The following NBAS variants were observed in gnomAD, a reference collection of about 807,000 sequenced individuals.
The protein encoded by NBAS is NBAS subunit of NRZ tethering complex.
NBAS carries 219 observed loss-of-function variants against 302.5 expected under a neutral mutation model. The ratio of observed to expected loss-of-function variants is 0.72; its 90% confidence interval spans 0.65 to 0.81. The LOEUF is 0.81. Ranked by LOEUF, NBAS falls within the 30% of genes least tolerant of loss-of-function variation. The probability of loss-of-function intolerance (pLI) is 0.00; values close to 1 mark genes in which losing one functional copy is unlikely to be tolerated. For synonymous variants in NBAS, 1,118 were observed against 1,021.6 expected (o/e 1.09, Z -1.80); for missense variants, 2,932 against 2,841.6 (o/e 1.03, Z -0.72).
chr2:15,189,064 C>T (rs781212427), intron 49 of NBAS, among the ~76,000 whole-genome samples: 35 of 152,206 alleles, frequency 2.3e-4, no homozygotes, highest in East Asian at 9.7e-4. Flanking sequence ...CCCCAGGCTC[C>T]GAAGGCACCC....
intron 29 of NBAS, among the ~76,000 whole-genome samples, chr2:15,380,974 G>C (rs967868755): frequency 6.6e-6 from 1 of 152,116 alleles, no homozygotes; most frequent in African/African-American, 2.4e-5. Flanking sequence ...ATATCTAAGA[G>C]GGATCCGCTA....
the NBAS span, among the ~76,000 whole-genome samples, chr2:14,959,254 T>G: frequency 6.6e-6 from 1 of 152,204 alleles, no homozygotes; most frequent in South Asian, 2.1e-4. Flanking sequence ...AAGCCCATAA[T>G]GCACCAGGTA....
intron 31 of NBAS, among the ~76,000 whole-genome samples, chr2:15,368,417 C>T (rs112977601): frequency 0.017 from 2,572 of 152,084 alleles, 73 homozygotes; most frequent in African/African-American, 0.058. Flanking sequence ...CCAGGCTAGT[C>T]TAGAACTCCT....
the NBAS span, among the ~76,000 whole-genome samples, chr2:15,042,135 T>C: frequency 1.3e-5 from 2 of 152,206 alleles, no homozygotes; most frequent in Non-Finnish European, 2.9e-5. Context: ...TCCAAATTGG[T>C]TTCTTTTGTA....
chr2:15,272,022 T>C (rs1405583001), intron 44 of NBAS, among the ~76,000 whole-genome samples: 1 of 152,206 alleles, frequency 6.6e-6, no homozygotes, highest in African/African-American at 2.4e-5. Context: ...ATTCACTCTC[T>C]GACTGCAGGA....
the NBAS span, among the ~76,000 whole-genome samples, chr2:14,895,460 A>C: frequency 0.013 from 1,957 of 152,226 alleles, 54 homozygotes; most frequent in African/African-American, 0.045. Context: ...CTGCACAGGC[A>C]GGGCACTGTG....
intron 6 of NBAS, among the ~76,000 whole-genome samples, chr2:15,548,831 G>A (rs1006279908): frequency 5.3e-5 from 8 of 151,964 alleles, no homozygotes; most frequent in African/African-American, 1.9e-4. Context: ...AGGAGCTTCC[G>A]AGAAAAGGAA....
chr2:14,953,596 A>G, the NBAS span, among the ~76,000 whole-genome samples: 1 of 152,126 alleles, frequency 6.6e-6, no homozygotes, highest in African/African-American at 2.4e-5. Flanking sequence ...CTCTGGCTAA[A>G]CTTCCTACCT....
chr2:15,533,090 G>A (rs958455753), intron 9 of NBAS, among the ~76,000 whole-genome samples: 13 of 152,042 alleles, frequency 8.6e-5, no homozygotes, highest in African/African-American at 1.2e-4. Context: ...CCTACCAAAC[G>A]AGCAAACATT....
At chr2:14,944,315 C>CA in the NBAS span, among the ~76,000 whole-genome samples, 8 of 105,204 alleles carry the variant, frequency 7.6e-5, no homozygotes, top group Non-Finnish European at 1.7e-4. Context: ...AAACAAAAAA[C>CA]AAAAAAACAA....
chr2:15,059,030 C>A, the NBAS span, among the ~76,000 whole-genome samples: 1 of 152,184 alleles, frequency 6.6e-6, no homozygotes, highest in African/African-American at 2.4e-5. Flanking sequence ...GGCCTTTGAA[C>A]CTCCATGTCT....
chr2:15,323,440 T>C (rs1036044991), intron 38 of NBAS, among the ~76,000 whole-genome samples: 2 of 151,846 alleles, frequency 1.3e-5, no homozygotes, highest in Non-Finnish European at 2.9e-5. Flanking sequence ...GCTCAGAGAG[T>C]TAAGTCTCAG....
chr2:14,784,533 T>C, the NBAS span, among the ~76,000 whole-genome samples: 96 of 152,354 alleles, frequency 6.3e-4, no homozygotes, highest in Non-Finnish European at 1.2e-3. Flanking sequence ...GCTTTCTACA[T>C]ATGGCTAGCC....
the NBAS span, among the ~76,000 whole-genome samples, chr2:14,872,314 T>C: frequency 1.3e-5 from 2 of 152,066 alleles, no homozygotes; most frequent in African/African-American, 4.8e-5. Flanking sequence ...CAAAAAAAAT[T>C]AGCAGGTATC....
chr2:14,967,107 G>C, the NBAS span, among the ~76,000 whole-genome samples: 1 of 152,090 alleles, frequency 6.6e-6, no homozygotes, highest in Non-Finnish European at 1.5e-5. Context: ...GAAAGACTTA[G>C]ATAATGAAAA....
At chr2:15,419,714 T>C (rs955458474) in intron 23 of NBAS, among the ~76,000 whole-genome samples, 1 of 151,560 alleles carries the variant, frequency 6.6e-6, no homozygotes, top group Non-Finnish European at 1.5e-5. Flanking sequence ...GTTGACGATT[T>C]TTTTCTTTTT....
rs566865243 is a variant in NBAS at position 15,219,085 on chromosome 2, C to G, written c.6237-117G>C. On this transcript the variant is annotated intron_variant, in intron 47 of 51. Coordinates refer to ENST00000281513, the MANE Select transcript of NBAS (RefSeq NM_015909.4). Reference sequence around the variant, plus strand: ...GTTTGTTGGATGACTTCGTTTTTTTCCTCTTGAAAGGAAAAATTTTGGTTT... The same window carrying G: ...GTTTGTTGGATGACTTCGTTTTTTTGCTCTTGAAAGGAAAAATTTTGGTTT... 20 of 1,309,268 alleles carry G rather than the reference C, an allele frequency of 1.5e-5. No individual in the cohort carries two copies. The East Asian group carries it at 5.0e-4, about 33-fold the overall frequency. 81.1% of individuals were successfully genotyped at this position (1,309,268 alleles called of 1,614,324 possible). A position where few individuals can be genotyped will look rare whatever the true frequency, so the allele number is the denominator to read the frequency against.
At chr2:15,131,925 G>A in the NBAS span, among the ~76,000 whole-genome samples, 2 of 152,128 alleles carry the variant, frequency 1.3e-5, no homozygotes, top group African/African-American at 4.8e-5. Flanking sequence ...GATCATGCAA[G>A]AACTCACTCA....
chr2:15,174,468 G>A (rs1330172114), intron 51 of NBAS, among the ~76,000 whole-genome samples: 1 of 152,050 alleles, frequency 6.6e-6, no homozygotes, highest in Non-Finnish European at 1.5e-5. Context: ...TCATTTAGGA[G>A]GTGCTCTCGT....
Sources: allele counts gnomAD v4.1 joint callset (sites outside exome capture counted in the v4.1 genomes callset), GRCh38; gene constraint gnomAD v4.1.1; transcripts MANE v1.5; gene names NCBI Gene and HGNC (gene_info 2026-07-23, HGNC 2026-07-21).